The following CBLC variants were observed in gnomAD, a reference collection of about 807,000 sequenced individuals.
CBLC encodes the protein Cbl proto-oncogene C.
In CBLC, 46 loss-of-function variants were observed where a neutral mutation model predicts 58.6. The ratio of observed to expected loss-of-function variants is 0.79; its 90% CI spans 0.62 to 1.00. The LOEUF (loss-of-function observed/expected upper bound fraction) is 1.00, where lower values mean the gene tolerates loss of function less well. Among genes scored for constraint, CBLC ranks in the 50% least tolerant of loss-of-function variants. The probability of loss-of-function intolerance (pLI) is 0.00; values close to 1 mark genes in which losing one functional copy is unlikely to be tolerated. For synonymous variants in CBLC, 271 were observed against 264.2 expected (o/e 1.03, Z -0.25); for missense variants, 655 against 625.8 (o/e 1.05, Z -0.50).
intron 1 of CBLC, among the ~76,000 whole-genome samples, chr19:44,779,969 T>A (rs1967677385): frequency 6.6e-6 from 1 of 152,102 alleles, no homozygotes; most frequent in African/African-American, 2.4e-5. Flanking sequence ...GGAATTTTTT[T>A]CATAAATATT....
At position 44,781,156 on chromosome 19, in the gene CBLC, A is replaced by G. The variant is rs1967717641; in HGVS notation, c.501-51A>G. 4.4e-6 allele frequency: 7 copies of G among 1,578,192 alleles called. No individual in the cohort carries two copies. The South Asian group carries it at 6.9e-5, about 16-fold the overall frequency. On this transcript the variant is annotated intron_variant, in intron 2 of 10. Coordinates refer to ENST00000647358, the MANE Select transcript of CBLC (RefSeq NM_012116.4). Reference sequence around the variant, plus strand: ...CTTCTTTCCTGGAGACCCTCCCATCATAGGCTCTGGGAGGCCTCAGCGGTG... The same window carrying G: ...CTTCTTTCCTGGAGACCCTCCCATCGTAGGCTCTGGGAGGCCTCAGCGGTG...
At position 44,784,374 on chromosome 19, in the gene CBLC, T is replaced by G. The variant is rs762419781; in HGVS notation, c.890T>G (p.Val297Gly). ...TIPANKPLSQ[V>G]LLEGQKDGFY... ...CCTGCCAACAAACCCCTGTCCCAGG[T>G]GCTCCTGGAGGGACAGAAGGACGGC... Residue 297 changes from valine (V) to glycine (G), a missense_variant, in exon 5 of 11, where the codon GTG becomes GGG. This residue lies in a region of CBLC where 371 missense variants were observed against 370.8 expected (regional missense o/e 1.00). Coordinates refer to ENST00000647358, the MANE Select transcript of CBLC (RefSeq NM_012116.4). 6.3e-7 allele frequency: 1 copy of G among 1,597,732 alleles called. No individual in the cohort carries two copies. Among genetic ancestry groups the G allele is most frequent in the Non-Finnish European group, 8.6e-7 (1 of 1,167,188 alleles).
intron 9 of CBLC, among the ~76,000 whole-genome samples, chr19:44,794,517 T>C (rs979048730): frequency 1.2e-4 from 17 of 142,158 alleles, no homozygotes; most frequent in Non-Finnish European, 3.0e-5. Context: ...CAGGCTGGAG[T>C]GCAGTGGCGC....
At position 44,790,070 on chromosome 19, in the gene CBLC, G is replaced by C; in HGVS notation, c.984G>C (p.Gln328His). 6.2e-7 allele frequency: 1 copy of C among 1,613,896 alleles called. No individual in the cohort carries two copies. The highest frequency in any genetic ancestry group is 8.5e-7 in the Non-Finnish European group (1 of 1,179,932). ...CTGAGCTCGGCCAGGCAGAACCCCAGCAGCGCATCCACGTGTCAGAGGTGA... is the reference window on the plus strand; with the variant it reads ...CTGAGCTCGGCCAGGCAGAACCCCACCAGCGCATCCACGTGTCAGAGGTGA... Reference protein sequence around the residue: ...DLTELGQAEPQQRIHVSEEQL... With the variant: ...DLTELGQAEPHQRIHVSEEQL... Residue 328 changes from glutamine (Q) to histidine (H), a missense_variant, in exon 6 of 11, where the codon CAG becomes CAC. Gln to His is a conservative substitution (Grantham distance 24). Around this residue, in one of 3 missense-constraint regions of CBLC, gnomAD observed 371 missense variants for 370.8 expected, o/e 1.00. Coordinates refer to ENST00000647358, the MANE Select transcript of CBLC (RefSeq NM_012116.4).
In CBLC at chr19:44,782,473, G is replaced by T. The variant is rs138510701; in HGVS notation, c.761G>T (p.Cys254Phe). The T allele has an allele frequency of 6.2e-7, 1 of 1,613,618 alleles. No individual in the cohort carries two copies. Among genetic ancestry groups the T allele is most frequent in the East Asian group, 2.2e-5 (1 of 44,860 alleles). Residue 254 changes from cysteine (C) to phenylalanine (F), a missense_variant, in exon 4 of 11, where the codon TGC (cysteine) becomes TTC (phenylalanine). Around this residue, in one of 3 missense-constraint regions of CBLC, gnomAD observed 371 missense variants for 370.8 expected, o/e 1.00. Coordinates refer to ENST00000647358, the MANE Select transcript of CBLC (RefSeq NM_012116.4). ...GAGGTCCAAGAGCGTCTGCAGGCCT[G>T]CAGGGACAAGCCAGGCAGGTAAAGG... ...YDEVQERLQA[C>F]RDKPGSYIFR...
At chr19:44,786,603 A>G (rs1405636165) in intron 5 of CBLC, among the ~76,000 whole-genome samples, 3 of 151,986 alleles carry the variant, frequency 2.0e-5, no homozygotes, top group East Asian at 2.0e-4. Flanking sequence ...TCAGAAAAAA[A>G]AAAAAGAAAA....
intron 4 of CBLC, among the ~76,000 whole-genome samples, chr19:44,784,003 T>C (rs962314165): frequency 6.6e-6 from 1 of 152,152 alleles, no homozygotes; most frequent in Non-Finnish European, 1.5e-5. Flanking sequence ...ACCCCAGCCT[T>C]GTTTAAACTC....
rs1269891319 is a variant in CBLC at position 44,782,475 on chromosome 19, A to C, written c.763A>C (p.Arg255=). The C allele has an allele frequency of 6.2e-7, 1 of 1,613,630 alleles. No individual in the cohort carries two copies. Among genetic ancestry groups the C allele is most frequent in the Non-Finnish European group, 8.5e-7 (1 of 1,179,712 alleles). Residue 255 remains arginine, a synonymous_variant, in exon 4 of 11, where the codon AGG becomes CGG. Transcript: ENST00000647358. ...GGTCCAAGAGCGTCTGCAGGCCTGC[A>C]GGGACAAGCCAGGCAGGTAAAGGGT... ...DEVQERLQAC[R]DKPGSYIFRP... is the part of the protein sequence containing the mutation.
In CBLC at chr19:44,777,958, G is replaced by T. The variant is rs1967609872; in HGVS notation, c.27G>T (p.Gly9=). 1.2e-6 allele frequency: 2 copies of T among 1,601,032 alleles called. No individual in the cohort carries two copies. Among genetic ancestry groups the T allele is most frequent in the South Asian group, 2.2e-5 (2 of 90,456 alleles). Residue 9 remains glycine, a synonymous_variant, in exon 1 of 11, where the codon GGG becomes GGT. Coordinates refer to ENST00000647358, the MANE Select transcript of CBLC (RefSeq NM_012116.4). The stretch of plus-strand genomic sequence containing the variant: ...TGGCTCTGGCGGTGGCCCCGTGGGG[G>T]CGACAGTGGGAAGAGGCCCGCGCCC... MALAVAPW[G]RQWEEARALG...
At chr19:44,789,667 A>G (rs1967995590) in intron 5 of CBLC, among the ~76,000 whole-genome samples, 1 of 152,242 alleles carries the variant, frequency 6.6e-6, no homozygotes, top group Admixed American at 6.5e-5. Flanking sequence ...CTGGGATTAC[A>G]GGCGTAAGCC....
intron 6 of CBLC, among the ~76,000 whole-genome samples, 170 bp from the exon 7 acceptor site, chr19:44,792,213 C>G (rs991942646): frequency 6.6e-6 from 1 of 151,780 alleles, no homozygotes; most frequent in Non-Finnish European, 1.5e-5. Flanking sequence ...AGGCTGGTCT[C>G]GAACTCCTGA....
intron 6 of CBLC, among the ~76,000 whole-genome samples, chr19:44,790,795 A>G (rs917783190): frequency 6.6e-6 from 1 of 152,120 alleles, no homozygotes; most frequent in Non-Finnish European, 1.5e-5. Context: ...TTATACTTCA[A>G]ATTGTATTCA....
Position 44,784,378 on chromosome 19 carries a change from C to T in CBLC, c.894C>T (p.Leu298=), listed in dbSNP as rs1368313646. The change falls in exon 5 of 11, where the codon CTC becomes CTT. Residue 298 remains leucine, a synonymous_variant. Coordinates refer to ENST00000647358, the MANE Select transcript of CBLC (RefSeq NM_012116.4). ...CCAACAAACCCCTGTCCCAGGTGCT[C>T]CTGGAGGGACAGAAGGACGGCTTGT... ...IPANKPLSQV[L]LEGQKDGFYL... is the part of the protein sequence containing the mutation. The T allele has an allele frequency of 1.3e-6, 2 of 1,591,164 alleles. No homozygotes were observed. Among genetic ancestry groups the T allele is most frequent in the East Asian group, 2.3e-5 (1 of 44,358 alleles).
chr19:44,787,911 G>A (rs138201878), intron 5 of CBLC, among the ~76,000 whole-genome samples: 296 of 151,404 alleles, frequency 2.0e-3, no homozygotes, highest in Middle Eastern at 3.4e-3. Context: ...CCAAGAGTTT[G>A]AGACCAACCT....
intron 1 of CBLC, among the ~76,000 whole-genome samples, chr19:44,780,095 C>T (rs899107484): frequency 2.6e-5 from 4 of 151,990 alleles, no homozygotes; most frequent in Non-Finnish European, 5.9e-5. Context: ...AATAGTCTTC[C>T]CTTAATATAT....
intron 4 of CBLC, 147 bp downstream of exon 4, chr19:44,782,638 C>T: frequency 1.6e-6 from 1 of 636,190 alleles, no homozygotes. Context: ...AGAGGCAGGA[C>T]ACTGAGTGCC....
chr19:44,792,024 G>A (rs1239236656), intron 6 of CBLC, among the ~76,000 whole-genome samples: 2 of 145,710 alleles, frequency 1.4e-5, no homozygotes, highest in Non-Finnish European at 3.0e-5. Flanking sequence ...ACGGAGTTTT[G>A]CTCTTGTTAC....
intron 5 of CBLC, among the ~76,000 whole-genome samples, chr19:44,784,612 A>G (rs974882723): frequency 9.9e-5 from 15 of 152,176 alleles, no homozygotes; most frequent in Admixed American, 3.3e-4. Context: ...GTGGCCATAG[A>G]TCGGGCCCAG....
intron 8 of CBLC, among the ~76,000 whole-genome samples, chr19:44,793,895 A>ACCTGGACTCCTGGGTCTG (rs1968120621): frequency 7.5e-6 from 1 of 133,890 alleles, no homozygotes; most frequent in African/African-American, 3.1e-5. Flanking sequence ...GAGGGAGGAG[A>ACCTGGACTCCTGGGTCTG]ATATGGGGGC....
Sources: allele counts gnomAD v4.1 joint callset (sites outside exome capture counted in the v4.1 genomes callset), GRCh38; gene constraint gnomAD v4.1.1; regional missense constraint gnomAD v4.1.1; transcripts MANE v1.5; gene names NCBI Gene and HGNC (gene_info 2026-07-23, HGNC 2026-07-21).